Variants in IL34 observed in about 807,000 individuals in gnomAD.
The protein encoded by IL34 is interleukin-34.
Under a neutral mutation model 25.3 loss-of-function variants are expected in IL34, and 17 were observed. The observed-to-expected ratio is 0.67, with a 90% CI of 0.46 to 1.01. IL34 has a LOEUF of 1.01. Among genes scored for constraint, IL34 ranks in the 50% least tolerant of loss-of-function variants. IL34 has a pLI of 0.00. For synonymous variants in IL34, 174 were observed against 140.9 expected (o/e 1.23, Z -1.66); for missense variants, 368 against 312.9 (o/e 1.18, Z -1.33).
rs564238122 is a variant in IL34, at chr16:70,625,033, G to A, written c.-400-21515G>A. Among the ~76,000 whole-genome samples the A allele has an allele frequency of 3.3e-5, 5 of 152,194 alleles. No individual in the cohort carries two copies. In the East Asian group the frequency reaches 5.8e-4, roughly 18 times the overall value. ...CCTCAGACCATTTGTCTATTTTACA[G>A]CAAGAATTATTTAGATTTTGCAGGA... On this transcript the variant is annotated intron_variant, in intron 1 of 6. Coordinates refer to the IL34 transcript ENST00000429149.
At chr16:70,650,857 C>G (rs1349925857) in intron 1 of IL34, among the ~76,000 whole-genome samples, 1 of 152,178 alleles carries the variant, frequency 6.6e-6, no homozygotes, top group African/African-American at 2.4e-5. Context: ...ATTTCTACTG[C>G]TTGAGGCGAA....
At chr16:70,637,201 T>C (rs975085694) in intron 1 of IL34, among the ~76,000 whole-genome samples, 1 of 152,028 alleles carries the variant, frequency 6.6e-6, no homozygotes, top group Non-Finnish European at 1.5e-5. Context: ...ATTTTTTCTT[T>C]TTGCCTCTAG....
chr16:70,621,195 A>C (rs2051274002), intron 1 of IL34, among the ~76,000 whole-genome samples: 1 of 152,160 alleles, frequency 6.6e-6, no homozygotes, highest in Non-Finnish European at 1.5e-5. Flanking sequence ...GGACCAAGGC[A>C]GGCGTCCCTG....
At chr16:70,582,649 C>T (rs1052153130) in intron 1 of IL34, among the ~76,000 whole-genome samples, 4 of 152,236 alleles carry the variant, frequency 2.6e-5, no homozygotes, top group Admixed American at 2.6e-4. Flanking sequence ...CACTCCAGAG[C>T]CTTCAGGAAG....
At chr16:70,637,553 A>G (rs1366407141) in intron 1 of IL34, among the ~76,000 whole-genome samples, 1 of 151,378 alleles carries the variant, frequency 6.6e-6, no homozygotes, top group Non-Finnish European at 1.5e-5. Context: ...CATGTTGGCC[A>G]GGCAGGTCTC....
intron 1 of IL34, among the ~76,000 whole-genome samples, chr16:70,617,379 G>A (rs2051188991): frequency 6.6e-6 from 1 of 152,168 alleles, no homozygotes; most frequent in African/African-American, 2.4e-5. Context: ...TGATGGCTTG[G>A]AGAAACTGTG....
At chr16:70,645,590 G>A (rs1032757176), upstream of IL34, among the ~76,000 whole-genome samples, 5 of 152,294 alleles carry the variant, frequency 3.3e-5, no homozygotes, top group African/African-American at 9.6e-5. Context: ...TGTGGTTGTC[G>A]AATTTTGGGA....
At chr16:70,640,204 C>G (rs565986378) in intron 1 of IL34, among the ~76,000 whole-genome samples, 2 of 152,152 alleles carry the variant, frequency 1.3e-5, no homozygotes, top group Admixed American at 1.3e-4. Context: ...TGCAGTGGTG[C>G]CATCGTGGCT....
intron 1 of IL34, among the ~76,000 whole-genome samples, chr16:70,606,390 T>C (rs776329168): frequency 2.0e-5 from 3 of 152,080 alleles, no homozygotes; most frequent in African/African-American, 4.8e-5. Flanking sequence ...AGAGCAAGAC[T>C]CTGTCTCAAA....
intron 1 of IL34, among the ~76,000 whole-genome samples, chr16:70,596,021 A>C (rs1350495319): frequency 6.6e-6 from 1 of 151,980 alleles, no homozygotes. Context: ...AAAAAAAAAA[A>C]AAAAGAAAGT....
intron 1 of IL34, among the ~76,000 whole-genome samples, chr16:70,583,852 A>T (rs142970930): frequency 0.05 from 7,561 of 152,102 alleles, 235 homozygotes; most frequent in Non-Finnish European, 0.065. Flanking sequence ...GGGTTTCACC[A>T]TGTTGGCCAG....
rs570538379 is a variant in IL34, at chr16:70,625,166, G to A, written c.-400-21382G>A. Among the ~76,000 whole-genome samples the A allele has an allele frequency of 9.2e-5, 14 of 152,176 alleles. No homozygotes were observed. The East Asian group carries it at 2.7e-3, about 29-fold the overall frequency. On this transcript the variant is annotated intron_variant, in intron 1 of 6. Transcript: ENST00000429149. Reference sequence around the variant, plus strand: ...AATAAGGCGTTTAGGTTTTAGGTCAGGTGTGAGTTGAAGAGGTTTTAAGTT... The same window carrying A: ...AATAAGGCGTTTAGGTTTTAGGTCAAGTGTGAGTTGAAGAGGTTTTAAGTT...
At chr16:70,648,552 TAAA>T (rs56164163) in intron 1 of IL34, among the ~76,000 whole-genome samples, 10 of 73,314 alleles carry the variant, frequency 1.4e-4, no homozygotes, top group Admixed American at 1.8e-4. Flanking sequence ...ACCCTGTCTT[TAAA>T]AAAAAAAAAA....
At chr16:70,603,071 G>A (rs2050942592) in intron 1 of IL34, among the ~76,000 whole-genome samples, 1 of 151,854 alleles carries the variant, frequency 6.6e-6, no homozygotes, top group South Asian at 2.1e-4. Context: ...TCTCCTATGT[G>A]GCCACCAGGG....
chr16:70,643,823 T>C (rs562171553), upstream of IL34, among the ~76,000 whole-genome samples: 16 of 98,830 alleles, frequency 1.6e-4, no homozygotes, highest in African/African-American at 1.2e-3. Context: ...TAAAGAGTTA[T>C]TAATTTGAGG....
At chr16:70,584,707 CT>C (rs201917245) in intron 1 of IL34, among the ~76,000 whole-genome samples, 73 of 147,296 alleles carry the variant, frequency 5.0e-4, no homozygotes, top group African/African-American at 8.9e-4. Context: ...CTCTCTCTCT[CT>C]TTTTTTTTTT....
intron 1 of IL34, among the ~76,000 whole-genome samples, chr16:70,632,537 C>G (rs2051543592): frequency 6.6e-6 from 1 of 152,126 alleles, no homozygotes; most frequent in Admixed American, 6.5e-5. Context: ...GGCTCCTGAC[C>G]AGGTGGTCCT....
In IL34 at chr16:70,656,968, C is replaced by T. The variant is rs1212686333; in HGVS notation, c.249C>T (p.Ala83=). 1 of 1,608,454 alleles carries T rather than the reference C, an allele frequency of 6.2e-7. No individual in the cohort carries two copies. The highest frequency in any genetic ancestry group is 1.1e-5 in the South Asian group (1 of 90,580). Residue 83 remains alanine (A), a synonymous_variant, in exon 4 of 6, where the codon GCC becomes GCT. Coordinates refer to ENST00000288098, the MANE Select transcript of IL34 (RefSeq NM_001393494.1). ...CTTCCCTGTTTCCGCAGCAGAGGGCCCAGGTGAGCGAGCGGGAGCTGCGGT... is the reference window on the plus strand; with the variant it reads ...CTTCCCTGTTTCCGCAGCAGAGGGCTCAGGTGAGCGAGCGGGAGCTGCGGT... ...RIANVTRLQR[A]QVSERELRYL...
At chr16:70,637,441 C>G (rs778429832) in intron 1 of IL34, among the ~76,000 whole-genome samples, 2 of 152,078 alleles carry the variant, frequency 1.3e-5, no homozygotes, top group Admixed American at 6.6e-5. Flanking sequence ...CTCTGCCTCT[C>G]GGGTTCAAGT....
Sources: gnomAD v4.1 joint callset for allele counts (sites outside exome capture counted in the v4.1 genomes callset) on GRCh38, gnomAD v4.1.1 for gene constraint, MANE v1.5 for transcripts, NCBI Gene and HGNC (gene_info 2026-07-23, HGNC 2026-07-21) for gene names.